HMBOX1: variants seen among roughly 807,000 people sequenced by gnomAD.
HMBOX1 encodes the protein homeobox containing 1.
HMBOX1 carries 14 observed loss-of-function variants against 54.5 expected under a neutral mutation model. The ratio of observed to expected loss-of-function variants is 0.26; its 90% CI spans 0.17 to 0.40. The LOEUF is 0.40. Ranked by LOEUF, HMBOX1 falls within the 10% of genes least tolerant of loss-of-function variation. The pLI is 1.00. For synonymous variants in HMBOX1, 160 were observed against 181.0 expected, an observed-to-expected ratio of 0.88 and a Z score of 0.93; for missense variants, 332 against 514.4, an observed-to-expected ratio of 0.65 and a Z score of 3.43.
At chr8:28,960,759 CTTTTTCTTTTTTTTT>C (rs1825369632) in intron 1 of HMBOX1, among the ~76,000 whole-genome samples, 1 of 5,126 alleles carries the variant, frequency 2.0e-4, no homozygotes, top group African/African-American at 5.4e-4. Context: ...TTTTCTTTTT[CTTTTTCTTTTTTTTT>C]TTTTTTTTTT....
intron 1 of HMBOX1, among the ~76,000 whole-genome samples, chr8:28,905,316 CA>C (rs1301705928): frequency 2.0e-5 from 3 of 151,984 alleles, no homozygotes; most frequent in African/African-American, 7.2e-5. Flanking sequence ...AAAAACAAAA[CA>C]AAAAACCAGG....
chr8:28,954,260 G>A (rs183547563), intron 1 of HMBOX1, among the ~76,000 whole-genome samples: 49 of 152,094 alleles, frequency 3.2e-4, no homozygotes, highest in Admixed American at 2.8e-3. Context: ...GTAAAATTGG[G>A]TTCTGTGTAA....
rs71222583 is a variant in HMBOX1, at chr8:28,973,803, G to GTTTTTTTT, written c.500+3308_500+3315dup. ...TAATAATTTCGAGATACATAATGGA[G>GTTTTTTTT]TTTTTTTTTTTTTTTTTTTTTTTTT... On this transcript the variant is annotated intron_variant, in intron 3 of 9. Transcript: ENST00000287701. Among the ~76,000 whole-genome samples, 16 of 72,656 alleles carry GTTTTTTTT rather than the reference G, an allele frequency of 2.2e-4. 1 individual carries two copies. Among genetic ancestry groups the GTTTTTTTT allele is most frequent in the Non-Finnish European group, 3.1e-4 (12 of 38,950 alleles). The allele number at this position is 72,656 out of a possible 152,430, so 47.7% of individuals were successfully genotyped here.
At chr8:28,984,157 A>G (rs896338806) in intron 4 of HMBOX1, among the ~76,000 whole-genome samples, 2 of 152,244 alleles carry the variant, frequency 1.3e-5, no homozygotes, top group East Asian at 1.9e-4. Flanking sequence ...ATCAGTGTAT[A>G]TACGCATTTT....
chr8:28,941,968 A>G (rs1050103700), intron 1 of HMBOX1, among the ~76,000 whole-genome samples: 8 of 152,150 alleles, frequency 5.3e-5, no homozygotes, highest in African/African-American at 1.4e-4. Context: ...AAGAACAGAA[A>G]CGAATACTCT....
chr8:29,023,879 T>A (rs573949076), intron 6 of HMBOX1, among the ~76,000 whole-genome samples: 3 of 152,330 alleles, frequency 2.0e-5, no homozygotes, highest in African/African-American at 7.2e-5. Context: ...TCACCCCTGA[T>A]GGACTGAATC....
rs965969761 is a variant in HMBOX1 at position 29,049,480 on chromosome 8, A to G, written c.1125+432A>G. The G allele has an allele frequency of 9.6e-5, 140 of 1,460,708 alleles. No homozygotes were observed. The Admixed American group carries it at 3.1e-3, about 32-fold the overall frequency. 90.5% of individuals were successfully genotyped at this position (1,460,708 alleles called of 1,614,324 possible). A position where few individuals can be genotyped will look rare whatever the true frequency, so the allele number is the denominator to read the frequency against. On this transcript the variant is annotated intron_variant, in intron 9 of 9. Transcript: ENST00000287701. ...CCCATGCCTAAACACGTACCGACGC[A>G]GGGCACGATGGAAGGCCCCACTCAC...
At chr8:28,916,560 A>C (rs1671619462) in intron 1 of HMBOX1, among the ~76,000 whole-genome samples, 1 of 152,184 alleles carries the variant, frequency 6.6e-6, no homozygotes, top group Admixed American at 6.5e-5. Context: ...ATTTATTGAA[A>C]AAGGCTATCC....
chr8:28,945,246 T>C (rs1445128071), intron 1 of HMBOX1, among the ~76,000 whole-genome samples: 1 of 152,150 alleles, frequency 6.6e-6, no homozygotes, highest in Admixed American at 6.5e-5. Context: ...ACTGATCCCT[T>C]GAGGAAGATA....
chr8:28,981,652 G>A (rs1351679609), intron 4 of HMBOX1, among the ~76,000 whole-genome samples: 2 of 151,766 alleles, frequency 1.3e-5, no homozygotes. Flanking sequence ...GCATTTCTTA[G>A]TACTTTGAAT....
intron 6 of HMBOX1, among the ~76,000 whole-genome samples, chr8:29,021,483 C>T (rs1169676618): frequency 6.6e-6 from 1 of 151,884 alleles, no homozygotes; most frequent in African/African-American, 2.4e-5. Context: ...TAATAAAGAG[C>T]TCTTAAAAGA....
chr8:28,921,207 A>T (rs1191519894), intron 1 of HMBOX1, among the ~76,000 whole-genome samples: 2 of 152,172 alleles, frequency 1.3e-5, no homozygotes, highest in Admixed American at 1.3e-4. Flanking sequence ...GTAGTGGCAT[A>T]TGCCTGTAAT....
intron 1 of HMBOX1, among the ~76,000 whole-genome samples, chr8:28,948,340 A>T (rs144642283): frequency 2.3e-3 from 344 of 152,274 alleles, no homozygotes; most frequent in African/African-American, 7.9e-3. Context: ...GTGCTTAGTA[A>T]ATATTTGCTG....
At chr8:28,950,601 T>G (rs573698811) in intron 1 of HMBOX1, among the ~76,000 whole-genome samples, 1 of 152,338 alleles carries the variant, frequency 6.6e-6, no homozygotes, top group South Asian at 2.1e-4. Context: ...ATTGTACAGT[T>G]ACAACTCTGA....
intron 3 of HMBOX1, among the ~76,000 whole-genome samples, chr8:28,975,823 G>C (rs1828265797): frequency 6.6e-6 from 1 of 151,866 alleles, no homozygotes; most frequent in South Asian, 2.1e-4. Flanking sequence ...ATGAAGAGAG[G>C]AAGTGAGGGG....
intron 1 of HMBOX1, among the ~76,000 whole-genome samples, chr8:28,942,271 C>T (rs928359168): frequency 1.3e-5 from 2 of 152,182 alleles, no homozygotes; most frequent in East Asian, 3.8e-4. Flanking sequence ...GCTGAAATCT[C>T]CAGCATCCTT....
chr8:29,022,252 A>G (rs1275406712), intron 6 of HMBOX1, among the ~76,000 whole-genome samples: 1 of 152,046 alleles, frequency 6.6e-6, no homozygotes, highest in East Asian at 1.9e-4. Context: ...CCCCATCTCT[A>G]TAAAAAATAC....
At position 29,041,181 on chromosome 8, in the gene HMBOX1, T is replaced by A. The variant is rs185491937; in HGVS notation, c.852-4180T>A. Reference sequence around the variant, plus strand: ...ATATAAGGCAGAATGTCATTTTTTTTAAAATTTTTTCTTATTTCTCCAAGA... The same window carrying A: ...ATATAAGGCAGAATGTCATTTTTTTAAAAATTTTTTCTTATTTCTCCAAGA... On this transcript the variant is annotated intron_variant, in intron 6 of 9. Coordinates refer to ENST00000287701, the MANE Select transcript of HMBOX1 (RefSeq NM_001135726.3). 6.4e-3 allele frequency among the ~76,000 whole-genome samples: 981 copies of A among 152,334 alleles called. 7 individuals are homozygous for A. The highest frequency in any genetic ancestry group is 0.014 in the African/African-American group (574 of 41,576).
chr8:28,923,959 T>A (rs1817971195), intron 1 of HMBOX1, among the ~76,000 whole-genome samples: 1 of 152,174 alleles, frequency 6.6e-6, no homozygotes, highest in Non-Finnish European at 1.5e-5. Context: ...TTAATTAGGC[T>A]GTTTTTTTGT....
Sources: gnomAD v4.1 joint callset for allele counts (sites outside exome capture counted in the v4.1 genomes callset) on GRCh38, gnomAD v4.1.1 for gene constraint, MANE v1.5 for transcripts, NCBI Gene and HGNC (gene_info 2026-07-23, HGNC 2026-07-21) for gene names.